The following DUSP16 variants were observed in gnomAD, a reference collection of about 807,000 sequenced individuals.
The protein encoded by DUSP16 is dual specificity protein phosphatase 16.
DUSP16 carries 21 observed loss-of-function variants against 58.3 expected under a neutral mutation model. The observed-to-expected ratio is 0.36, with a 90% CI of 0.26 to 0.52. The LOEUF is 0.52. Among genes scored for constraint, DUSP16 ranks in the 20% least tolerant of loss-of-function variants. DUSP16 has a pLI of 0.94. For synonymous variants in DUSP16, 320 were observed against 323.8 expected, an observed-to-expected ratio of 0.99 and a Z score of 0.12; for missense variants, 726 against 819.0, an observed-to-expected ratio of 0.89 and a Z score of 1.39.
At chr12:12,522,505 A>G (rs1944251531) in intron 1 of DUSP16, among the ~76,000 whole-genome samples, 1 of 152,048 alleles carries the variant, frequency 6.6e-6, no homozygotes. Flanking sequence ...CTCTGCTTAT[A>G]TGAAATCCTC....
At chr12:12,559,366 T>C (rs1944860025) in intron 1 of DUSP16, among the ~76,000 whole-genome samples, 1 of 152,250 alleles carries the variant, frequency 6.6e-6, no homozygotes, top group Admixed American at 6.5e-5. Context: ...TTCTTTCATC[T>C]GTTGAAATCT....
At chr12:12,549,783 A>AG (rs1307891933) in intron 1 of DUSP16, among the ~76,000 whole-genome samples, 2 of 151,954 alleles carry the variant, frequency 1.3e-5, no homozygotes, top group Non-Finnish European at 2.9e-5. Context: ...TATTAAAAAA[A>AG]AAAAATAGGG....
rs186384754 is a variant in DUSP16 at position 12,488,845 on chromosome 12, C to T, written c.532-1658G>A. 1.4e-4 allele frequency among the ~76,000 whole-genome samples: 22 copies of T among 152,172 alleles called. No individual in the cohort carries two copies. In the East Asian group the frequency reaches 3.5e-3, roughly 24 times the overall value. The stretch of plus-strand genomic sequence containing the variant: ...TGTAATCCCAGCACTTTGGGATGGC[C>T]GAGGCAGGAGGATCACCTGAGGTCG... On this transcript the variant is annotated intron_variant, in intron 4 of 6. Coordinates refer to ENST00000298573, the MANE Select transcript of DUSP16 (RefSeq NM_030640.3).
At chr12:12,548,996 G>T (rs1184747206) in intron 1 of DUSP16, among the ~76,000 whole-genome samples, 24 of 152,124 alleles carry the variant, frequency 1.6e-4, no homozygotes, top group Admixed American at 1.6e-3. Flanking sequence ...AAAAAAATGA[G>T]AACACTGTAC....
intron 1 of DUSP16, among the ~76,000 whole-genome samples, chr12:12,548,704 T>C (rs1944685050): frequency 6.6e-6 from 1 of 152,026 alleles, no homozygotes. Context: ...CTCTTCCTTT[T>C]TCTTGCTGTG....
intron 3 of DUSP16, among the ~76,000 whole-genome samples, chr12:12,505,243 C>T (rs1943975267): frequency 6.6e-6 from 1 of 152,166 alleles, no homozygotes; most frequent in Non-Finnish European, 1.5e-5. Context: ...TCAACTCTCC[C>T]TTGGATGCAG....
At chr12:12,513,651 G>T (rs1944108765) in intron 3 of DUSP16, among the ~76,000 whole-genome samples, 1 of 152,208 alleles carries the variant, frequency 6.6e-6, no homozygotes, top group Admixed American at 6.5e-5. Context: ...TCACAGGACA[G>T]AAGGGAGTGC....
Position 12,477,054 on chromosome 12 carries a change from G to A in DUSP16, c.1777C>T (p.Gln593Ter). 1 of 1,614,254 alleles carries A rather than the reference G, an allele frequency of 6.2e-7. No homozygotes were observed. Residue 593 changes from glutamine to a stop codon, truncating the protein, a stop_gained, in exon 7 of 7, where the codon CAA becomes TAA. Transcript: ENST00000298573. LOFTEE classifies it high-confidence loss of function. This position sits in a 1 kb window ranked among gnomAD's most constrained non-coding sequence, Gnocchi z 4.1. ...TGCCGCCTGCGCACAGAATAGACTT[G>A]GTCTCCGCAAGTGGGCAGCTGGCTG... ...SCSQLPTCGD[Q>*]VYSVRRRQKP...
At chr12:12,524,896 C>T (rs896708118) in intron 1 of DUSP16, among the ~76,000 whole-genome samples, 4 of 151,988 alleles carry the variant, frequency 2.6e-5, no homozygotes, top group Admixed American at 6.6e-5. Context: ...AAAATTGCCA[C>T]GATATTGAAA....
At chr12:12,560,406 AC>A (rs1189517099) in intron 1 of DUSP16, among the ~76,000 whole-genome samples, 7 of 152,200 alleles carry the variant, frequency 4.6e-5, no homozygotes, top group Admixed American at 1.3e-4. Flanking sequence ...AAATTATTTT[AC>A]CTAAAATCCA....
intron 5 of DUSP16, among the ~76,000 whole-genome samples, chr12:12,482,615 C>T (rs527841815): frequency 7.5e-4 from 114 of 152,274 alleles, no homozygotes; most frequent in African/African-American, 2.7e-3. Context: ...AGTGCTCATT[C>T]GAAAACAGCC....
At position 12,487,167 on chromosome 12, in the gene DUSP16, C is replaced by G. The variant is rs1191301105; in HGVS notation, c.552G>C (p.Gly184=). ...TGCTGGCATTTAACACATAACCAAT[C>G]CCATTCTGCTGCATCAGCTCCTATG... The part of the protein sequence containing the change: ...VLNKELMQQN[G]IGYVLNASNT... Residue 184 remains glycine, a synonymous_variant, in exon 5 of 7, where the codon GGG becomes GGC. Transcript: ENST00000298573. 6.2e-7 allele frequency: 1 copy of G among 1,614,056 alleles called. No homozygotes were observed. Among genetic ancestry groups the G allele is most frequent in the Admixed American group, 1.7e-5 (1 of 60,028 alleles).
intron 1 of DUSP16, among the ~76,000 whole-genome samples, chr12:12,561,778 C>A (rs112423208): frequency 6.6e-6 from 1 of 151,782 alleles, no homozygotes; most frequent in Non-Finnish European, 1.5e-5. Flanking sequence ...CCGCTCCTCT[C>A]GGCGGGGCCC....
At chr12:12,482,773 A>G (rs1171860278) in intron 5 of DUSP16, among the ~76,000 whole-genome samples, 1 of 152,208 alleles carries the variant, frequency 6.6e-6, no homozygotes, top group Non-Finnish European at 1.5e-5. Context: ...GGAGTGCCAT[A>G]GTGCAAACAT....
At position 12,515,018 on chromosome 12, in the gene DUSP16, G is replaced by A. The variant is rs138268646; in HGVS notation, c.367+4844C>T. On this transcript the variant is annotated intron_variant, in intron 3 of 6. Coordinates refer to ENST00000298573, the MANE Select transcript of DUSP16 (RefSeq NM_030640.3). ...CTCCCAGGAAGTTGGTCTTCTCTAC[G>A]TTTATGACTTCTCATTACAAGTTCA... Among the ~76,000 whole-genome samples, 273 of 152,102 alleles carry A rather than the reference G, an allele frequency of 1.8e-3. 2 individuals are homozygous for A. The highest frequency in any genetic ancestry group is 6.1e-3 in the African/African-American group (255 of 41,486).
intron 4 of DUSP16, among the ~76,000 whole-genome samples, chr12:12,494,955 G>T (rs2136206017): frequency 6.6e-6 from 1 of 152,254 alleles, no homozygotes; most frequent in Non-Finnish European, 1.5e-5. Context: ...ATAAAGTAAA[G>T]TACATGGGTA....
At chr12:12,510,537 G>A (rs887365134) in intron 3 of DUSP16, among the ~76,000 whole-genome samples, 1 of 152,166 alleles carries the variant, frequency 6.6e-6, no homozygotes, top group Non-Finnish European at 1.5e-5. Context: ...AGACGTCATA[G>A]AGCAGTGAGG....
chr12:12,482,973 A>C (rs566661758), intron 5 of DUSP16, among the ~76,000 whole-genome samples: 2 of 152,252 alleles, frequency 1.3e-5, no homozygotes, highest in African/African-American at 4.8e-5. Context: ...TCCGCTTCCC[A>C]AAGTGCTGTG....
intron 4 of DUSP16, among the ~76,000 whole-genome samples, chr12:12,499,342 C>T (rs966155518): frequency 6.6e-6 from 1 of 152,168 alleles, no homozygotes; most frequent in African/African-American, 2.4e-5. Flanking sequence ...AATAACTGCA[C>T]ACTCAAAGGC....
Sources: gnomAD v4.1 joint callset for allele counts (sites outside exome capture counted in the v4.1 genomes callset) on GRCh38, gnomAD v4.1.1 for gene constraint, Gnocchi (gnomAD v3.1) non-coding constraint, MANE v1.5 for transcripts, NCBI Gene and HGNC (gene_info 2026-07-23, HGNC 2026-07-21) for gene names.